GPR158: variants seen among roughly 807,000 people sequenced by gnomAD.
GPR158 encodes G protein-coupled receptor 158, also known as metabotropic glycine receptor.
Under a neutral mutation model 78.2 loss-of-function variants are expected in GPR158, and 30 were observed. The observed-to-expected ratio is 0.38, with a 90% CI of 0.29 to 0.52. GPR158 has a LOEUF of 0.52. Ranked by LOEUF, GPR158 falls within the 20% of genes least tolerant of loss-of-function variation. GPR158 has a pLI of 0.83. For synonymous variants in GPR158, 581 were observed against 591.1 expected (o/e 0.98, Z 0.25); for missense variants, 1,463 against 1,523.5 (o/e 0.96, Z 0.66).
rs141440299 is a variant in GPR158 at position 25,599,038 on chromosome 10, G to A, written c.3412G>A (p.Gly1138Arg). 3.7e-5 allele frequency: 60 copies of A among 1,614,010 alleles called. No homozygotes were observed. In the African/African-American group the frequency reaches 7.2e-4, roughly 19 times the overall value. Reference sequence around the variant, plus strand: ...AGAGAATGAAAATCTCAACCAAATAGGACACCAGGAAAAAAAGACATCTTC... The same window carrying A: ...AGAGAATGAAAATCTCAACCAAATAAGACACCAGGAAAAAAAGACATCTTC... Reference protein sequence around the residue: ...KTENENLNQIGHQEKKTSSSE... With the variant: ...KTENENLNQIRHQEKKTSSSE... The change falls in exon 11 of 11, where the codon GGA becomes AGA. Residue 1138 changes from glycine to arginine, a missense_variant. By Grantham distance (125) the Gly-to-Arg change is moderately radical. Coordinates refer to ENST00000376351, the MANE Select transcript of GPR158 (RefSeq NM_020752.3).
At chr10:25,542,843 GTTCTAT>G (rs1166067790) in intron 5 of GPR158, among the ~76,000 whole-genome samples, 13 of 106,292 alleles carry the variant, frequency 1.2e-4, no homozygotes, top group African/African-American at 5.7e-4. Context: ...AAAAAAAAAA[GTTCTAT>G]TTCTAAGTTG....
chr10:25,296,825 G>GT (rs1382589573), intron 2 of GPR158, among the ~76,000 whole-genome samples: 1 of 152,186 alleles, frequency 6.6e-6, no homozygotes, highest in Admixed American at 6.5e-5. Flanking sequence ...TTAGGGAGTG[G>GT]TGAGTCTAGG....
Position 25,547,683 on chromosome 10 carries a change from T to C in GPR158, c.1405-3293T>C, listed in dbSNP as rs1330323391. Among the ~76,000 whole-genome samples, 4 of 152,194 alleles carry C rather than the reference T, an allele frequency of 2.6e-5. No individual in the cohort carries two copies. The East Asian group carries it at 5.8e-4, about 22-fold the overall frequency. ...CCAGTTAGGAGGCAGGATGACATCA[T>C]TGTTCTTATGAGCATGAACTCTGGA... On this transcript the variant is annotated intron_variant, in intron 5 of 10. Coordinates refer to ENST00000376351, the MANE Select transcript of GPR158 (RefSeq NM_020752.3).
At chr10:25,250,946 C>T (rs1169445072) in intron 2 of GPR158, among the ~76,000 whole-genome samples, 1 of 151,398 alleles carries the variant, frequency 6.6e-6, no homozygotes, top group African/African-American at 2.4e-5. Context: ...GTGTGGGCGT[C>T]TAAGTCTCTT....
At position 25,298,398 on chromosome 10, in the gene GPR158, A is replaced by G. The variant is rs79011126; in HGVS notation, c.1008+77241A>G. On this transcript the variant is annotated intron_variant, in intron 2 of 10. Coordinates refer to ENST00000376351, the MANE Select transcript of GPR158 (RefSeq NM_020752.3). ...AAGTTGTCTTATTGTTTTATAACCA[A>G]TGGGTTTTGCCTTTGAACTAACAAA... is the stretch of plus-strand genomic sequence containing the variant. Among the ~76,000 whole-genome samples the G allele has an allele frequency of 6.0e-3, 920 of 152,284 alleles. 8 individuals are homozygous for G. Among genetic ancestry groups the G allele is most frequent in the African/African-American group, 0.02 (851 of 41,554 alleles).
In GPR158 at chr10:25,398,478, G is replaced by C. The variant is rs568428375; in HGVS notation, c.1111+2465G>C. ...GTTCTGTGAAGGTATTTTGTATCTG[G>C]TTTACCCACATTTGTTCTCAGCTCC... On this transcript the variant is annotated intron_variant, in intron 3 of 10. Transcript: ENST00000376351. Among the ~76,000 whole-genome samples, 6 of 152,252 alleles carry C rather than the reference G, an allele frequency of 3.9e-5. No individual in the cohort carries two copies. In the East Asian group the frequency reaches 9.6e-4, roughly 24 times the overall value.
chr10:25,360,504 G>T (rs1855620274), intron 2 of GPR158, among the ~76,000 whole-genome samples: 1 of 152,066 alleles, frequency 6.6e-6, no homozygotes, highest in South Asian at 2.1e-4. Context: ...TTATTAAATA[G>T]GGAATCCTTT....
intron 2 of GPR158, among the ~76,000 whole-genome samples, chr10:25,303,768 G>C (rs1253106623): frequency 6.6e-6 from 1 of 152,154 alleles, no homozygotes; most frequent in Non-Finnish European, 1.5e-5. Context: ...ACATGGATTA[G>C]ATCTAACAAA....
At chr10:25,228,848 G>C (rs993649675) in intron 2 of GPR158, among the ~76,000 whole-genome samples, 2 of 151,882 alleles carry the variant, frequency 1.3e-5, no homozygotes, top group Non-Finnish European at 2.9e-5. Context: ...TGGCTAACAC[G>C]GTGAAACCCC....
intron 5 of GPR158, among the ~76,000 whole-genome samples, chr10:25,486,012 A>C (rs1401522333): frequency 6.6e-6 from 1 of 152,132 alleles, no homozygotes; most frequent in African/African-American, 2.4e-5. Context: ...GTGAGAAGAA[A>C]GCTATCTCTG....
intron 7 of GPR158, among the ~76,000 whole-genome samples, chr10:25,581,080 G>A (rs541583065): frequency 0.012 from 1,752 of 150,672 alleles, 44 homozygotes; most frequent in African/African-American, 0.041. Context: ...GCCCGCCACC[G>A]CGCCCGGCTA....
chr10:25,533,744 A>G (rs865839774), intron 5 of GPR158, among the ~76,000 whole-genome samples: 1 of 152,262 alleles, frequency 6.6e-6, no homozygotes, highest in South Asian at 2.1e-4. Context: ...GCCTCCATCA[A>G]AGATCACTAA....
Position 25,600,961 on chromosome 10 carries a change from TC to T in GPR158, c.*1690del, listed in dbSNP as rs1469312895. ...ATCACTCAGAAATAGAACCGAGACT[TC>T]CCTTTTTCTCCCTGTAAACACCCAA... On this transcript the variant is annotated 3_prime_UTR_variant, in exon 11 of 11. Transcript: ENST00000376351. 2.0e-5 allele frequency: 3 copies of T among 152,152 alleles called. No homozygotes were observed. Among genetic ancestry groups the T allele is most frequent in the Non-Finnish European group, 4.4e-5 (3 of 68,030 alleles). The allele number at this position is 152,152 out of a possible 1,614,324, so 9.4% of individuals were successfully genotyped here.
intron 6 of GPR158, among the ~76,000 whole-genome samples, chr10:25,552,115 C>T (rs1190199498): frequency 6.6e-6 from 1 of 152,068 alleles, no homozygotes; most frequent in Non-Finnish European, 1.5e-5. Context: ...TCAAGATTCC[C>T]TTCTTATATA....
chr10:25,342,090 G>A (rs1335697408), intron 2 of GPR158, among the ~76,000 whole-genome samples: 1 of 151,952 alleles, frequency 6.6e-6, no homozygotes, highest in Admixed American at 6.6e-5. Context: ...ACGCTTGCCT[G>A]ATAATTATTT....
intron 7 of GPR158, among the ~76,000 whole-genome samples, chr10:25,575,873 A>G: frequency 6.6e-6 from 1 of 151,724 alleles, no homozygotes; most frequent in Admixed American, 6.6e-5. Flanking sequence ...TCCCATATCC[A>G]CATTTATTCT....
At chr10:25,593,951 AT>A (rs1423886973) in intron 8 of GPR158, among the ~76,000 whole-genome samples, 5 of 152,034 alleles carry the variant, frequency 3.3e-5, no homozygotes, top group African/African-American at 1.2e-4. Context: ...AACTCTACAA[AT>A]TTGTATTGTA....
At position 25,455,615 on chromosome 10, in the gene GPR158, A is replaced by G. The variant is rs934681034; in HGVS notation, c.1336-11036A>G. 2.0e-5 allele frequency among the ~76,000 whole-genome samples: 3 copies of G among 152,176 alleles called. No homozygotes were observed. The East Asian group carries it at 5.8e-4, about 29-fold the overall frequency. ...ACATCCATCAGTTAATGTGACCTTT[A>G]TGAATTCTGTACGGGTTAGTATTTA... On this transcript the variant is annotated intron_variant, in intron 4 of 10. Transcript: ENST00000376351.
At chr10:25,350,857 C>T (rs936061042) in intron 2 of GPR158, among the ~76,000 whole-genome samples, 2 of 151,994 alleles carry the variant, frequency 1.3e-5, no homozygotes, top group Admixed American at 6.6e-5. Flanking sequence ...ATGCTCATCA[C>T]GGCATTTTTA....
Sources: allele counts gnomAD v4.1 joint callset (sites outside exome capture counted in the v4.1 genomes callset), GRCh38; gene constraint gnomAD v4.1.1; transcripts MANE v1.5; gene names NCBI Gene and HGNC (gene_info 2026-07-23, HGNC 2026-07-21).